UBA6: variants seen among roughly 807,000 people sequenced by gnomAD.
UBA6 encodes the protein ubiquitin-like modifier-activating enzyme 6.
In UBA6, 87 loss-of-function variants were observed where a neutral mutation model predicts 148.3. The ratio of observed to expected loss-of-function variants is 0.59; its 90% CI spans 0.49 to 0.70. The LOEUF (loss-of-function observed/expected upper bound fraction) is 0.70, where lower values mean the gene tolerates loss of function less well. Among genes scored for constraint, UBA6 ranks in the 30% least tolerant of loss-of-function variants. The pLI, the probability that UBA6 is intolerant of heterozygous loss-of-function variation, is 0.00. For missense variants in UBA6, 1,186 were observed against 1,241.2 expected (o/e 0.96, Z 0.67); for synonymous variants, 376 against 401.0 (o/e 0.94, Z 0.75).
chr4:67,650,529 C>T (rs1002937661), intron 13 of UBA6, among the ~76,000 whole-genome samples: 21 of 152,060 alleles, frequency 1.4e-4, no homozygotes, highest in Non-Finnish European at 4.4e-5. Flanking sequence ...AAAACATATG[C>T]ATAATCACAA....
chr4:67,669,236 T>C (rs997035008), intron 8 of UBA6, among the ~76,000 whole-genome samples: 1 of 152,198 alleles, frequency 6.6e-6, no homozygotes, highest in African/African-American at 2.4e-5. Flanking sequence ...TCTGTGTTTT[T>C]CTCAGGGACA....
At chr4:67,621,961 C>A (rs1271580711) in intron 32 of UBA6, among the ~76,000 whole-genome samples, 1 of 152,064 alleles carries the variant, frequency 6.6e-6, no homozygotes, top group African/African-American at 2.4e-5. Context: ...TTAAATGAGG[C>A]CTCTTTAGGA....
chr4:67,644,127 A>G (rs2109915261), intron 17 of UBA6, among the ~76,000 whole-genome samples: 1 of 152,232 alleles, frequency 6.6e-6, no homozygotes, highest in Non-Finnish European at 1.5e-5. Context: ...GAAATCACTA[A>G]TGGAAGACAG....
chr4:67,696,699 T>G lies in UBA6; in HGVS notation c.80A>C (p.Lys27Thr). The change falls in exon 2 of 33, where the codon AAA (lysine) becomes ACA (threonine). Residue 27 changes from lysine to threonine, a missense_variant. Lys to Thr is a moderately conservative substitution (Grantham distance 78). Transcript: ENST00000322244. ...CSSWGTGSTN[K>T]NLPIMSTASV... ...TGCTGTTGACATAATGGGCAAATTT[T>G]TATTTGTGCTGGAAAAAAAAACATG... The G allele has an allele frequency of 1.2e-6, 2 of 1,606,630 alleles. No homozygotes were observed. Among genetic ancestry groups the G allele is most frequent in the Non-Finnish European group, 1.7e-6 (2 of 1,176,002 alleles).
chr4:67,669,294 G>A (rs1023654197), intron 8 of UBA6, among the ~76,000 whole-genome samples: 1 of 152,124 alleles, frequency 6.6e-6, no homozygotes, highest in African/African-American at 2.4e-5. Flanking sequence ...TAATATGCCT[G>A]AAAGAATAAC....
intron 6 of UBA6, among the ~76,000 whole-genome samples, chr4:67,675,633 A>T (rs551922016): frequency 5.4e-4 from 82 of 152,238 alleles, no homozygotes; most frequent in Non-Finnish European, 3.5e-4. Context: ...TGGGAGGCTG[A>T]AGTAGGAGAA....
At chr4:67,650,880 G>C (rs1729539274) in intron 13 of UBA6, among the ~76,000 whole-genome samples, 1 of 152,080 alleles carries the variant, frequency 6.6e-6, no homozygotes, top group South Asian at 2.1e-4. Flanking sequence ...GACATTCTTT[G>C]AGAGAGAAAG....
Position 67,670,563 on chromosome 4 carries a change from C to A in UBA6, c.576G>T (p.Trp192Cys). 1.2e-6 allele frequency: 2 copies of A among 1,611,674 alleles called. No homozygotes were observed. Among genetic ancestry groups the A allele is most frequent in the Non-Finnish European group, 1.7e-6 (2 of 1,178,088 alleles). ...CACCGAAATCACAAAATAACCTTGA[C>A]CAAATTCCATGTACATCTGCACTGA... The part of the protein sequence containing the change: ...KFISADVHGI[W>C]SRLFCDFGDE... The change falls in exon 8 of 33, where the codon TGG (tryptophan) becomes TGT (cysteine). Residue 192 changes from tryptophan to cysteine, a missense_variant. By Grantham distance (215) the Trp-to-Cys change is radical. Coordinates refer to ENST00000322244, the MANE Select transcript of UBA6 (RefSeq NM_018227.6).
intron 20 of UBA6, 136 bp downstream of exon 20, chr4:67,635,317 T>C: frequency 6.1e-6 from 3 of 487,856 alleles, no homozygotes; most frequent in Non-Finnish European, 1.1e-5. Flanking sequence ...TTTTAAAAAA[T>C]GTACATGCAC....
At chr4:67,667,940 AAG>A (rs779312593) in intron 9 of UBA6, among the ~76,000 whole-genome samples, 2 of 152,194 alleles carry the variant, frequency 1.3e-5, no homozygotes, top group African/African-American at 2.4e-5. Context: ...GCCACTGAAA[AAG>A]AACATATATC....
Position 67,616,114 on chromosome 4 carries a change from A to G in UBA6, c.*2883T>C. 2.5e-6 allele frequency: 1 copy of G among 396,428 alleles called. No homozygotes were observed. The highest frequency in any genetic ancestry group is 4.4e-5 in the Admixed American group (1 of 22,644). The allele number at this position is 396,428 out of a possible 1,614,324, so 24.6% of individuals were successfully genotyped here. On this transcript the variant is annotated 3_prime_UTR_variant, in exon 33 of 33. Transcript: ENST00000322244. ...ATGACATAGAGCAAAATGAACACAT[A>G]TTATCAATGGATACTTAACTCTGAT...
In UBA6 at chr4:67,670,551, A is replaced by G; in HGVS notation, c.588T>C (p.Phe196=). Residue 196 remains phenylalanine, a synonymous_variant, in exon 8 of 33, where the codon TTT becomes TTC. Transcript: ENST00000322244. ...CTTCAAATTCATCACCGAAATCACA[A>G]AATAACCTTGACCAAATTCCATGTA... is the stretch of plus-strand genomic sequence containing the variant. The part of the protein sequence containing the change: ...ADVHGIWSRL[F]CDFGDEFEVL... 1 of 1,611,664 alleles carries G rather than the reference A, an allele frequency of 6.2e-7. No individual in the cohort carries two copies.
At chr4:67,674,362 T>C (rs890432379) in intron 6 of UBA6, among the ~76,000 whole-genome samples, 6 of 152,110 alleles carry the variant, frequency 3.9e-5, no homozygotes, top group African/African-American at 1.2e-4. Context: ...CAGAATTGTA[T>C]TTGCTGTGTA....
chr4:67,652,139 T>C (rs1729567735), intron 13 of UBA6, among the ~76,000 whole-genome samples: 1 of 152,146 alleles, frequency 6.6e-6, no homozygotes, highest in East Asian at 1.9e-4. Flanking sequence ...CCACAAAAAG[T>C]ATTCTTTTTG....
chr4:67,666,530 C>T (rs1730000611), intron 9 of UBA6, among the ~76,000 whole-genome samples: 1 of 151,928 alleles, frequency 6.6e-6, no homozygotes, highest in Admixed American at 6.6e-5. Flanking sequence ...CATATACACA[C>T]ATATATATAT....
At chr4:67,634,560 A>G (rs769730094) in intron 20 of UBA6, 42 bp from the exon 21 acceptor site, 4 of 1,393,062 alleles carry the variant, frequency 2.9e-6, no homozygotes, top group Non-Finnish European at 3.9e-6. Flanking sequence ...AGGGGAAGCA[A>G]TGACCAATTT....
intron 2 of UBA6, among the ~76,000 whole-genome samples, chr4:67,686,342 CA>C (rs1409373921): frequency 6.6e-6 from 1 of 152,132 alleles, no homozygotes; most frequent in African/African-American, 2.4e-5. Flanking sequence ...CAATTCCAAG[CA>C]TAACATCATT....
chr4:67,648,346 T>C (rs1729470195), intron 14 of UBA6, among the ~76,000 whole-genome samples: 1 of 151,046 alleles, frequency 6.6e-6, no homozygotes, highest in Non-Finnish European at 1.5e-5. Context: ...TCTGCATCTG[T>C]AACCCCAGCT....
intron 2 of UBA6, among the ~76,000 whole-genome samples, chr4:67,692,053 T>C (rs1034808029): frequency 3.3e-5 from 5 of 151,884 alleles, no homozygotes; most frequent in African/African-American, 4.8e-5. Flanking sequence ...GGTACACAGG[T>C]GGTGTTTGGT....
Sources: gnomAD v4.1 joint callset for allele counts (sites outside exome capture counted in the v4.1 genomes callset) on GRCh38, gnomAD v4.1.1 for gene constraint, MANE v1.5 for transcripts, NCBI Gene and HGNC (gene_info 2026-07-23, HGNC 2026-07-21) for gene names.